The following SPRED2 variants were observed in gnomAD, a reference collection of about 807,000 sequenced individuals.
The protein encoded by SPRED2 is sprouty related EVH1 domain containing 2.
In SPRED2, 47 loss-of-function variants were observed where a neutral mutation model predicts 43.0. The observed-to-expected ratio is 1.09, with a 90% CI of 0.87 to 1.40. The LOEUF (loss-of-function observed/expected upper bound fraction) is 1.40. SPRED2 is among the 40% of genes most tolerant of loss of function. The pLI is 0.00. For synonymous variants in SPRED2, 225 were observed against 225.7 expected (o/e 1.00, Z 0.03); for missense variants, 561 against 586.4 (o/e 0.96, Z 0.45).
intron 1 of SPRED2, among the ~76,000 whole-genome samples, chr2:65,408,257 G>A (rs1676071222): frequency 6.6e-6 from 1 of 152,196 alleles, no homozygotes. Context: ...CACTGCTGCG[G>A]ACACTTTCAT....
rs1400589207 is a variant in SPRED2 at position 65,367,300 on chromosome 2, T to C, written c.27-22404A>G. Among the ~76,000 whole-genome samples the C allele has an allele frequency of 2.0e-5, 3 of 152,162 alleles. No individual in the cohort carries two copies. In the South Asian group the frequency reaches 6.2e-4, roughly 32 times the overall value. On this transcript the variant is annotated intron_variant, in intron 1 of 5. Coordinates refer to ENST00000356388, the MANE Select transcript of SPRED2 (RefSeq NM_181784.3). ...ATGTTAGGGGTAAAATGATATGATA[T>C]CTGGGGTTTGTTGTGAATATTTTAG...
intron 1 of SPRED2, among the ~76,000 whole-genome samples, chr2:65,414,099 C>T (rs563978676): frequency 6.6e-6 from 1 of 152,236 alleles, no homozygotes; most frequent in Non-Finnish European, 1.5e-5. Context: ...AAGAGAGAAA[C>T]ATTAAGTCTT....
At chr2:65,410,948 AG>A (rs200204684) in intron 1 of SPRED2, among the ~76,000 whole-genome samples, 2,787 of 152,302 alleles carry the variant, frequency 0.018, 43 homozygotes, top group Middle Eastern at 0.037. Flanking sequence ...CCATCGGGAC[AG>A]GGGTCATGGT....
chr2:65,307,779 A>G (rs147657921), downstream of SPRED2, among the ~76,000 whole-genome samples: 290 of 152,312 alleles, frequency 1.9e-3, no homozygotes, highest in Admixed American at 8.0e-3. Context: ...CTGGTTCTAC[A>G]AGATGTTAAC....
At chr2:65,326,826 A>G (rs1048968913) in intron 4 of SPRED2, among the ~76,000 whole-genome samples, 1 of 152,028 alleles carries the variant, frequency 6.6e-6, no homozygotes, top group Non-Finnish European at 1.5e-5. Flanking sequence ...TTTGTGAAAA[A>G]TTTTTGTTTC....
rs117820224 is a variant in SPRED2 at position 65,366,787 on chromosome 2, C to T, written c.27-21891G>A. 354 of 1,322,854 alleles carry T rather than the reference C, an allele frequency of 2.7e-4. 2 individuals carry two copies. The East Asian group carries it at 9.4e-3, about 35-fold the overall frequency. The allele number at this position is 1,322,854 out of a possible 1,614,324, so 81.9% of individuals were successfully genotyped here. ...ACTGCATTGTACCGGATGAGTCATCCGAGGGTTAGTCCGCATTTTATAGGC... is the reference window on the plus strand; with the variant it reads ...ACTGCATTGTACCGGATGAGTCATCTGAGGGTTAGTCCGCATTTTATAGGC... On this transcript the variant is annotated intron_variant, in intron 1 of 5. Transcript: ENST00000356388.
Position 65,398,486 on chromosome 2 carries a change from A to G in SPRED2, c.26+33476T>C, listed in dbSNP as rs1572893151. Among the ~76,000 whole-genome samples the G allele has an allele frequency of 3.3e-5, 5 of 152,306 alleles. 1 individual carries two copies. Among genetic ancestry groups the G allele is most frequent in the Admixed American group, 3.3e-4 (5 of 15,306 alleles). ...AAAATCTTCACAATCTATACATCCA[A>G]CAGAGGACTAATATCCAGAATCTAT... is the stretch of plus-strand genomic sequence containing the variant. On this transcript the variant is annotated intron_variant, in intron 1 of 5. Coordinates refer to ENST00000356388, the MANE Select transcript of SPRED2 (RefSeq NM_181784.3).
rs758432458 is a variant in SPRED2 at position 65,312,125 on chromosome 2, C to T, written c.*1376G>A. On this transcript the variant is annotated 3_prime_UTR_variant, in exon 6 of 6. Coordinates refer to ENST00000356388, the MANE Select transcript of SPRED2 (RefSeq NM_181784.3). ...AAGAAGATTTGGCTAATCCTTGCAA[C>T]GTATTAGAAAAATACTCTTTTCCAG... 2.0e-5 allele frequency: 20 copies of T among 985,336 alleles called. No homozygotes were observed. Among genetic ancestry groups the T allele is most frequent in the Non-Finnish European group, 2.2e-5 (18 of 829,934 alleles). 61.0% of individuals were successfully genotyped at this position (985,336 alleles called of 1,614,324 possible). A position where few individuals can be genotyped will look rare whatever the true frequency, so the allele number is the denominator to read the frequency against.
chr2:65,411,668 A>G (rs1384058075), intron 1 of SPRED2, among the ~76,000 whole-genome samples: 2 of 152,180 alleles, frequency 1.3e-5, no homozygotes, highest in Non-Finnish European at 2.9e-5. Context: ...AGGAAAGCTG[A>G]CCTTTGGAAC....
At chr2:65,408,971 A>G (rs966191921) in intron 1 of SPRED2, among the ~76,000 whole-genome samples, 20 of 152,174 alleles carry the variant, frequency 1.3e-4, no homozygotes, top group Non-Finnish European at 1.6e-4. Flanking sequence ...TGAGACCACA[A>G]TTACCTGTAG....
chr2:65,431,998 A>G lies in SPRED2; in HGVS notation c.-11T>C. On this transcript the variant is annotated 5_prime_UTR_variant, in exon 1 of 6. An upstream open reading frame in the 5' UTR loses its in-frame stop. Transcript: ENST00000356388. ...TGTTTCTTCGGTCATTTTCTTGTTC[A>G]CCTAGACGCCTGTCCCGCGGCGGGC... 12 of 1,613,496 alleles carry G rather than the reference A, an allele frequency of 7.4e-6. No homozygotes were observed. The highest frequency in any genetic ancestry group is 1.0e-5 in the Non-Finnish European group (12 of 1,179,852).
chr2:65,350,861 C>A (rs1213417382), intron 1 of SPRED2, among the ~76,000 whole-genome samples: 1 of 152,220 alleles, frequency 6.6e-6, no homozygotes, highest in African/African-American at 2.4e-5. Context: ...CTGGGTCTCA[C>A]AAAGAATGTG....
At chr2:65,374,678 C>G (rs1280498390) in intron 1 of SPRED2, among the ~76,000 whole-genome samples, 1 of 152,218 alleles carries the variant, frequency 6.6e-6, no homozygotes, top group Non-Finnish European at 1.5e-5. Context: ...AAAATTCTTC[C>G]TGGCTCTGCC....
At chr2:65,387,559 G>T (rs1448932553) in intron 1 of SPRED2, among the ~76,000 whole-genome samples, 1 of 152,166 alleles carries the variant, frequency 6.6e-6, no homozygotes, top group African/African-American at 2.4e-5. Context: ...TATTTTGGAA[G>T]TAACTAGGGC....
intron 4 of SPRED2, among the ~76,000 whole-genome samples, chr2:65,327,814 T>C (rs1273122360): frequency 2.2e-5 from 3 of 137,396 alleles, no homozygotes; most frequent in Non-Finnish European, 3.1e-5. Context: ...ACCTCCGCCT[T>C]CCAGGTTCAA....
At chr2:65,340,756 C>A (rs1040170998) in intron 2 of SPRED2, among the ~76,000 whole-genome samples, 1 of 152,218 alleles carries the variant, frequency 6.6e-6, no homozygotes, top group African/African-American at 2.4e-5. Context: ...GTGCTGAATT[C>A]TAGATGTGCA....
intron 1 of SPRED2, among the ~76,000 whole-genome samples, chr2:65,369,798 G>A (rs1359820556): frequency 6.6e-6 from 1 of 152,220 alleles, no homozygotes; most frequent in African/African-American, 2.4e-5. Flanking sequence ...GCCATTCCAA[G>A]GAGTAGTATA....
intron 1 of SPRED2, chr2:65,380,833 T>G (rs1675355525): frequency 8.7e-6 from 1 of 114,474 alleles, no homozygotes; most frequent in East Asian, 2.8e-4. Context: ...GTGTTTGCCT[T>G]AAAACAACAA....
chr2:65,395,755 A>G (rs1675744446), intron 1 of SPRED2, among the ~76,000 whole-genome samples: 1 of 152,170 alleles, frequency 6.6e-6, no homozygotes, highest in Admixed American at 6.5e-5. Flanking sequence ...TCCAGCACAC[A>G]GTAATGAACT....
Sources: gnomAD v4.1 joint callset for allele counts (sites outside exome capture counted in the v4.1 genomes callset) on GRCh38, gnomAD v4.1.1 for gene constraint, MANE v1.5 for transcripts, NCBI Gene and HGNC (gene_info 2026-07-23, HGNC 2026-07-21) for gene names.